ZDHHC23: variants seen among roughly 807,000 people sequenced by gnomAD.
The protein encoded by ZDHHC23 is palmitoyltransferase ZDHHC23.
In ZDHHC23, 41 loss-of-function variants were observed where a neutral mutation model predicts 40.2. The observed-to-expected ratio is 1.02, with a 90% CI of 0.79 to 1.32. The LOEUF is 1.32. ZDHHC23 is among the 40% of genes most tolerant of loss of function. The pLI, the probability that ZDHHC23 is intolerant of heterozygous loss-of-function variation, is 0.00. For missense variants in ZDHHC23, 471 were observed against 541.5 expected, an observed-to-expected ratio of 0.87 and a Z score of 1.29; for synonymous variants, 204 against 210.2, an observed-to-expected ratio of 0.97 and a Z score of 0.26.
the ZDHHC23 span, among the ~76,000 whole-genome samples, chr3:113,970,910 T>C: frequency 6.6e-6 from 1 of 152,240 alleles, no homozygotes. Flanking sequence ...TCATTTTTTA[T>C]GGCTGCTTAG....
chr3:113,976,306 C>T, the ZDHHC23 span, among the ~76,000 whole-genome samples: 1,130 of 151,174 alleles, frequency 7.5e-3, 8 homozygotes, highest in African/African-American at 0.026. Flanking sequence ...ACAAAAAAGA[C>T]AGAGGGAGAA....
Position 113,959,442 on chromosome 3 carries a change from T to C in ZDHHC23, c.*812T>C. ...AGGTGATGAGTTCTTCTATTTATAT[T>C]TTATAAATTCTGCTTGGGTTTCTTA... is the stretch of plus-strand genomic sequence containing the variant. On this transcript the variant is annotated 3_prime_UTR_variant, in exon 5 of 5. Transcript: ENST00000638807. 1 of 1,251,272 alleles carries C rather than the reference T, an allele frequency of 8.0e-7. No homozygotes were observed. The highest frequency in any genetic ancestry group is 1.3e-5 in the South Asian group (1 of 77,754). 77.5% of individuals were successfully genotyped at this position (1,251,272 alleles called of 1,614,324 possible).
intron 3 of ZDHHC23, 136 bp from the exon 4 acceptor site, chr3:113,956,203 C>A: frequency 1.1e-6 from 1 of 899,480 alleles, no homozygotes; most frequent in Non-Finnish European, 1.7e-6. Context: ...GCCAAGATCG[C>A]GCCATTGCAC....
intron 3 of ZDHHC23, among the ~76,000 whole-genome samples, chr3:113,955,688 A>G (rs564378344): frequency 6.6e-6 from 1 of 152,252 alleles, no homozygotes; most frequent in African/African-American, 2.4e-5. Flanking sequence ...TTAAGTTTTC[A>G]TAATTCTATT....
downstream of ZDHHC23, chr3:113,965,194 A>T: frequency 6.2e-7 from 1 of 1,609,904 alleles, no homozygotes; most frequent in Admixed American, 1.7e-5. Flanking sequence ...AGGACCAAGT[A>T]TCTGATTGCT....
chr3:113,960,253 C>T lies in ZDHHC23; in HGVS notation c.*1623C>T. On this transcript the variant is annotated 3_prime_UTR_variant, in exon 5 of 5. Coordinates refer to ENST00000638807, the MANE Select transcript of ZDHHC23 (RefSeq NM_001320466.2). ...ATTGGAGCTGTCCTTAAGATGGTCA[C>T]CATATTCTTATTCAGGCTGTTGTCA... 1 of 1,015,270 alleles carries T rather than the reference C, an allele frequency of 9.8e-7. No homozygotes were observed. Among genetic ancestry groups the T allele is most frequent in the Non-Finnish European group, 1.2e-6 (1 of 848,974 alleles). 62.9% of individuals were successfully genotyped at this position (1,015,270 alleles called of 1,614,324 possible).
Position 113,958,534 on chromosome 3 carries a change from C to T in ZDHHC23, c.1212C>T (p.Asp404=), listed in dbSNP as rs1456998491. The T allele has an allele frequency of 8.7e-6, 14 of 1,613,188 alleles. No homozygotes were observed. Among genetic ancestry groups the T allele is most frequent in the Non-Finnish European group, 1.2e-5 (14 of 1,180,018 alleles). Residue 404 remains aspartate (D), a synonymous_variant, in exon 5 of 5, where the codon GAC becomes GAT. Transcript: ENST00000638807. The part of the protein sequence containing the change: ...GRRLLCGLIV[D]TGQYNRGFLR... Reference sequence around the variant, plus strand: ...GGCTCCTCTGCGGGCTCATCGTGGACACAGGCCAGTACAATAGGGGCTTCC... The same window carrying T: ...GGCTCCTCTGCGGGCTCATCGTGGATACAGGCCAGTACAATAGGGGCTTCC...
At chr3:113,950,684 T>G (rs886518611) in intron 2 of ZDHHC23, among the ~76,000 whole-genome samples, 1 of 152,176 alleles carries the variant, frequency 6.6e-6, no homozygotes, top group African/African-American at 2.4e-5. Context: ...CCCAAAAGTC[T>G]TAGCTCATCC....
At position 113,959,534 on chromosome 3, in the gene ZDHHC23, A is replaced by G. The variant is rs1323250677; in HGVS notation, c.*904A>G. ...ATGTTTCACCAGGTAAGGTGCTAGC[A>G]CACTTGTGACTGTGGCTGGAAGAGG... On this transcript the variant is annotated 3_prime_UTR_variant, in exon 5 of 5. Coordinates refer to ENST00000638807, the MANE Select transcript of ZDHHC23 (RefSeq NM_001320466.2). 7.8e-7 allele frequency: 1 copy of G among 1,275,012 alleles called. No homozygotes were observed. The highest frequency in any genetic ancestry group is 1.0e-6 in the Non-Finnish European group (1 of 977,206). The allele number at this position is 1,275,012 out of a possible 1,614,324, so 79.0% of individuals were successfully genotyped here.
downstream of ZDHHC23, chr3:113,964,949 C>T (rs1939961500): frequency 5.2e-6 from 2 of 387,640 alleles, no homozygotes; most frequent in Admixed American, 4.4e-5. Context: ...TTTGGATGAT[C>T]CCACTGTGAT....
intron 1 of ZDHHC23, 172 bp from the exon 2 acceptor site, chr3:113,948,514 G>C: frequency 8.9e-6 from 3 of 337,604 alleles, no homozygotes; most frequent in Non-Finnish European, 1.6e-5. Flanking sequence ...GTCGGCTGTC[G>C]CCATAGGAAC....
intron 1 of ZDHHC23, 70 bp from the exon 2 acceptor site, chr3:113,948,616 G>A (rs1938352412): frequency 6.4e-6 from 4 of 623,654 alleles, no homozygotes; most frequent in South Asian, 2.2e-5. Flanking sequence ...TGTGTGGCCA[G>A]GCGGAGCCAC....
At position 113,958,812 on chromosome 3, in the gene ZDHHC23, T is replaced by C. The variant is rs563633357; in HGVS notation, c.*182T>C. ...GACGCCACAACTTAAGAGACTTTTA[T>C]ACTGAGGCAGTAAAAGTAGAGCCAT... On this transcript the variant is annotated 3_prime_UTR_variant, in exon 5 of 5. Transcript: ENST00000638807. 8.6e-5 allele frequency: 125 copies of C among 1,456,490 alleles called. No individual in the cohort carries two copies. The highest frequency in any genetic ancestry group is 2.1e-4 in the Middle Eastern group (1 of 4,828). 90.2% of individuals were successfully genotyped at this position (1,456,490 alleles called of 1,614,324 possible).
downstream of ZDHHC23, among the ~76,000 whole-genome samples, chr3:113,968,688 T>G (rs945998351): frequency 6.6e-6 from 1 of 151,832 alleles, no homozygotes; most frequent in Non-Finnish European, 1.5e-5. Context: ...TTGAACTCCT[T>G]GACTCAAACT....
chr3:113,956,352 G>T lies in ZDHHC23; in HGVS notation c.886G>T (p.Val296Phe). ...DHHCVWINSC[V>F]GESNHQAFIL... ...TGCTGTTTTGAGGATAAATAGCTGC[G>T]TTGGAGAATCAAATCATCAAGCATT... The change falls in exon 4 of 5, where the codon GTT becomes TTT. Residue 296 changes from valine (V) to phenylalanine (F), a missense_variant. Around this residue, in one of 3 missense-constraint regions of ZDHHC23, gnomAD observed 346 missense variants for 399.8 expected, o/e 0.87. Coordinates refer to ENST00000638807, the MANE Select transcript of ZDHHC23 (RefSeq NM_001320466.2). 6.2e-7 allele frequency: 1 copy of T among 1,614,024 alleles called. No individual in the cohort carries two copies. The highest frequency in any genetic ancestry group is 8.5e-7 in the Non-Finnish European group (1 of 1,180,000).
At chr3:113,956,601 C>T (rs925148286) in intron 4 of ZDHHC23, 95 bp downstream of exon 4, 1 of 1,292,986 alleles carries the variant, frequency 7.7e-7, no homozygotes, top group South Asian at 1.6e-5. Flanking sequence ...AGTTCTCAAT[C>T]AAAACATAGG....
Position 113,959,342 on chromosome 3 carries a change from C to T in ZDHHC23, c.*712C>T. 1.8e-6 allele frequency: 2 copies of T among 1,107,876 alleles called. No homozygotes were observed. The highest frequency in any genetic ancestry group is 2.2e-6 in the Non-Finnish European group (2 of 889,328). The allele number at this position is 1,107,876 out of a possible 1,614,324, so 68.6% of individuals were successfully genotyped here. On this transcript the variant is annotated 3_prime_UTR_variant, in exon 5 of 5. Transcript: ENST00000638807. Reference sequence around the variant, plus strand: ...ACCAGATGGATTGATGCTAAGTTGTCTCATCTTGAAAAGACAGTTGACAAC... The same window carrying T: ...ACCAGATGGATTGATGCTAAGTTGTTTCATCTTGAAAAGACAGTTGACAAC...
chr3:113,977,082 T>C, the ZDHHC23 span, among the ~76,000 whole-genome samples: 1 of 151,900 alleles, frequency 6.6e-6, no homozygotes, highest in Non-Finnish European at 1.5e-5. Context: ...TGCACAAACA[T>C]GCAAATAAAA....
In ZDHHC23 at chr3:113,955,391, T is replaced by TGCGCGC. The variant is rs937830416; in HGVS notation, c.873-945_873-944insCGCGCG. 3.7e-3 allele frequency among the ~76,000 whole-genome samples: 549 copies of TGCGCGC among 149,170 alleles called. 2 individuals are homozygous for TGCGCGC. The highest frequency in any genetic ancestry group is 0.012 in the African/African-American group (469 of 40,340). On this transcript the variant is annotated intron_variant, in intron 3 of 4. Transcript: ENST00000638807. Reference sequence around the variant, plus strand: ...GTGTGTGTGTGTGTGTGTGTGTGTGTGCGTGTGTGTTCCATTTACAAATGC... The same window carrying TGCGCGC: ...GTGTGTGTGTGTGTGTGTGTGTGTGTGCGCGCGCGTGTGTGTTCCATTTACAAATGC...
Sources: allele counts gnomAD v4.1 joint callset (sites outside exome capture counted in the v4.1 genomes callset), GRCh38; gene constraint gnomAD v4.1.1; regional missense constraint gnomAD v4.1.1; transcripts MANE v1.5; gene names NCBI Gene and HGNC (gene_info 2026-07-23, HGNC 2026-07-21).